Variants in SLC44A5 observed in about 807,000 individuals in gnomAD.
SLC44A5 encodes solute carrier family 44 member 5.
Under a neutral mutation model 101.8 loss-of-function variants are expected in SLC44A5, and 57 were observed. That is an observed-to-expected ratio of 0.56 (90% CI 0.45 to 0.70). The LOEUF (loss-of-function observed/expected upper bound fraction) is 0.70. Among genes scored for constraint, SLC44A5 ranks in the 30% least tolerant of loss-of-function variants. The pLI, the probability that SLC44A5 is intolerant of heterozygous loss-of-function variation, is 0.00. For synonymous variants in SLC44A5, 281 were observed against 290.9 expected (o/e 0.97, Z 0.35); for missense variants, 737 against 853.1 (o/e 0.86, Z 1.70).
At chr1:75,368,429 A>G (rs1210741510) in intron 3 of SLC44A5, among the ~76,000 whole-genome samples, 1 of 152,232 alleles carries the variant, frequency 6.6e-6, no homozygotes, top group Non-Finnish European at 1.5e-5. Context: ...TTTTTGATCC[A>G]CAGTTGGCTA....
chr1:75,339,282 A>G (rs187591096), intron 4 of SLC44A5, among the ~76,000 whole-genome samples: 1 of 149,532 alleles, frequency 6.7e-6, no homozygotes, highest in East Asian at 1.9e-4. Context: ...TTGCTTCTCT[A>G]CAAAGTGGTT....
chr1:75,682,622 T>C, the SLC44A5 span, among the ~76,000 whole-genome samples: 2 of 152,016 alleles, frequency 1.3e-5, no homozygotes, highest in South Asian at 4.1e-4. Flanking sequence ...GATTAGAGAC[T>C]TAAACGTTAG....
intron 1 of SLC44A5, among the ~76,000 whole-genome samples, chr1:75,586,571 A>G (rs1674013448): frequency 6.6e-6 from 1 of 151,482 alleles, no homozygotes; most frequent in African/African-American, 2.4e-5. Flanking sequence ...CTTGAAATGT[A>G]GTCTCATATG....
chr1:75,372,374 G>GA (rs894064299), intron 3 of SLC44A5, among the ~76,000 whole-genome samples: 1 of 152,084 alleles, frequency 6.6e-6, no homozygotes, highest in Non-Finnish European at 1.5e-5. Context: ...AGATTGAGAG[G>GA]AAAAAATAAA....
At chr1:75,432,534 A>T (rs1034251998) in intron 2 of SLC44A5, among the ~76,000 whole-genome samples, 1 of 152,188 alleles carries the variant, frequency 6.6e-6, no homozygotes, top group African/African-American at 2.4e-5. Context: ...ATTATTTTAC[A>T]TGATCACCAA....
chr1:75,340,637 A>G (rs1298299284), intron 3 of SLC44A5, among the ~76,000 whole-genome samples: 3 of 152,162 alleles, frequency 2.0e-5, no homozygotes, highest in East Asian at 3.9e-4. Context: ...CTGTCCCCCA[A>G]TCCACAGGAG....
chr1:75,635,932 A>T, the SLC44A5 span, among the ~76,000 whole-genome samples: 1 of 152,018 alleles, frequency 6.6e-6, no homozygotes, highest in East Asian at 1.9e-4. Flanking sequence ...ACTTGTTTAA[A>T]TTTATGGGGT....
chr1:75,509,588 G>A (rs1233351299), intron 2 of SLC44A5, among the ~76,000 whole-genome samples: 1 of 152,172 alleles, frequency 6.6e-6, no homozygotes, highest in Admixed American at 6.5e-5. Context: ...TTTGTAAAGA[G>A]GAGGCAGATA....
At chr1:75,324,380 C>T (rs1656413397) in intron 4 of SLC44A5, among the ~76,000 whole-genome samples, 2 of 152,126 alleles carry the variant, frequency 1.3e-5, no homozygotes, top group Non-Finnish European at 2.9e-5. Flanking sequence ...TGCATTTAAA[C>T]TGAAAGTTCT....
intron 2 of SLC44A5, among the ~76,000 whole-genome samples, chr1:75,495,390 G>A (rs906428840): frequency 1.2e-4 from 18 of 152,068 alleles, no homozygotes; most frequent in African/African-American, 4.3e-4. Flanking sequence ...AGGAGGCAGA[G>A]TTTGCAGTGA....
chr1:75,313,885 G>A (rs1357408157), intron 4 of SLC44A5, among the ~76,000 whole-genome samples: 6 of 152,048 alleles, frequency 3.9e-5, no homozygotes, highest in Admixed American at 1.3e-4. Flanking sequence ...AACTATTTGT[G>A]GTTATATGGA....
chr1:75,343,634 A>T (rs959222872), intron 3 of SLC44A5, among the ~76,000 whole-genome samples: 3 of 152,172 alleles, frequency 2.0e-5, no homozygotes, highest in African/African-American at 4.8e-5. Flanking sequence ...GGTGGGATGA[A>T]TACATGTTCT....
chr1:75,517,595 C>A (rs917721505), intron 2 of SLC44A5, among the ~76,000 whole-genome samples: 4 of 152,084 alleles, frequency 2.6e-5, no homozygotes, highest in African/African-American at 4.8e-5. Flanking sequence ...ATGTCTTTGA[C>A]CCCGGGGGAG....
intron 2 of SLC44A5, among the ~76,000 whole-genome samples, chr1:75,465,292 A>G (rs1570359879): frequency 1.3e-5 from 2 of 152,180 alleles, no homozygotes; most frequent in Non-Finnish European, 1.5e-5. Context: ...ATATGGGTCA[A>G]TGAAGACATT....
the SLC44A5 span, among the ~76,000 whole-genome samples, chr1:75,692,967 G>A: frequency 6.6e-6 from 1 of 152,180 alleles, no homozygotes. Flanking sequence ...AAAGGGGCAA[G>A]ACTGTTGAAG....
chr1:75,556,784 T>G (rs981777426), intron 1 of SLC44A5, among the ~76,000 whole-genome samples: 3 of 152,126 alleles, frequency 2.0e-5, no homozygotes, highest in African/African-American at 7.2e-5. Context: ...TTTCTTTTGC[T>G]GTCCCCACCC....
the SLC44A5 span, among the ~76,000 whole-genome samples, chr1:75,702,297 G>A: frequency 4.1e-4 from 62 of 152,296 alleles, no homozygotes; most frequent in Middle Eastern, 6.8e-3. Flanking sequence ...CATGGTACTG[G>A]TATCAAAACA....
At chr1:75,591,485 A>G (rs1244039765) in intron 1 of SLC44A5, among the ~76,000 whole-genome samples, 3 of 152,148 alleles carry the variant, frequency 2.0e-5, no homozygotes, top group Non-Finnish European at 4.4e-5. Flanking sequence ...TTTTGCATCT[A>G]TGTTCATCAG....
In SLC44A5 at chr1:75,242,024, G is replaced by T. The variant is rs368039703; in HGVS notation, c.509C>A (p.Thr170Lys). ...ACAAGGTTTGCTGGGAAAAATCGCT[G>T]TTGGACAATCATCATCCAGTAAAAG... is the stretch of plus-strand genomic sequence containing the variant. ...TQLLLDDDCPTAIFPSKPFLQ... is the reference protein window; with the variant it reads ...TQLLLDDDCPKAIFPSKPFLQ... The change falls in exon 9 of 24, where the codon ACA becomes AAA. Residue 170 changes from threonine (T) to lysine (K), a missense_variant. Thr to Lys is a moderately conservative substitution (Grantham distance 78). This residue lies in a region of SLC44A5 where 665 missense variants were observed against 764.4 expected (regional missense o/e 0.87). Transcript: ENST00000370859. 5.0e-6 allele frequency: 8 copies of T among 1,612,282 alleles called. No individual in the cohort carries two copies. In the East Asian group the frequency reaches 1.6e-4, roughly 31 times the overall value.
Sources: gnomAD v4.1 joint callset for allele counts (sites outside exome capture counted in the v4.1 genomes callset) on GRCh38, gnomAD v4.1.1 for gene constraint, gnomAD v4.1.1 regional missense constraint, MANE v1.5 for transcripts, NCBI Gene and HGNC (gene_info 2026-07-23, HGNC 2026-07-21) for gene names.